The following POLH variants were observed in gnomAD, a reference collection of about 807,000 sequenced individuals.
The protein encoded by POLH is DNA polymerase eta.
In POLH, 53 loss-of-function variants were observed where a neutral mutation model predicts 73.6. The ratio of observed to expected loss-of-function variants is 0.72; its 90% CI spans 0.58 to 0.91. POLH has a LOEUF of 0.91. Ranked by LOEUF, POLH falls within the 40% of genes least tolerant of loss-of-function variation. The pLI, the probability that POLH is intolerant of heterozygous loss-of-function variation, is 0.00. For synonymous variants in POLH, 292 were observed against 308.5 expected, an observed-to-expected ratio of 0.95 and a Z score of 0.56; for missense variants, 768 against 865.4, an observed-to-expected ratio of 0.89 and a Z score of 1.41.
At position 43,604,630 on chromosome 6, in the gene POLH, C is replaced by T. The variant is rs766606810; in HGVS notation, c.900C>T (p.Ala300=). The change falls in exon 8 of 11, where the codon GCC becomes GCT. Residue 300 remains alanine, a synonymous_variant. Coordinates refer to ENST00000372236, the MANE Select transcript of POLH (RefSeq NM_006502.3). ...FGEKNGSWLY[A]MCRGIEHDPV... is the part of the protein sequence containing the mutation. ...GTCTTATTAGGTCTTGGCTATATGC[C>T]ATGTGCCGAGGGATTGAACATGATC... is the stretch of plus-strand genomic sequence containing the variant. The T allele has an allele frequency of 6.8e-6, 11 of 1,614,058 alleles. No homozygotes were observed. The highest frequency in any genetic ancestry group is 1.3e-5 in the African/African-American group (1 of 75,050).
chr6:43,585,347 C>G (rs996171958), intron 3 of POLH, among the ~76,000 whole-genome samples: 7 of 152,136 alleles, frequency 4.6e-5, no homozygotes, highest in African/African-American at 1.7e-4. Flanking sequence ...AAACCATTGG[C>G]TATGGGTAAT....
intron 9 of POLH, among the ~76,000 whole-genome samples, chr6:43,606,551 C>G (rs1767322010): frequency 6.6e-6 from 1 of 152,082 alleles, no homozygotes; most frequent in African/African-American, 2.4e-5. Context: ...GTCTCAGCCT[C>G]CCGAGTAACC....
rs1064260 is a variant in POLH, at chr6:43,614,607, A to G, written c.*50A>G. 7.2e-3 allele frequency: 10,160 copies of G among 1,408,840 alleles called. 492 individuals carry two copies. In the African/African-American group the frequency reaches 0.11, roughly 16 times the overall value. The allele number at this position is 1,408,840 out of a possible 1,614,324, so 87.3% of individuals were successfully genotyped here. On this transcript the variant is annotated 3_prime_UTR_variant, in exon 11 of 11. Transcript: ENST00000372236. ...GATTTAATATTTTTTATCTTTACAG[A>G]TCTTTATCTTTAATATTTTATCTTT...
chr6:43,580,029 T>C (rs1045230735), intron 1 of POLH, among the ~76,000 whole-genome samples: 1 of 124,340 alleles, frequency 8.0e-6, no homozygotes, highest in African/African-American at 2.8e-5. Context: ...CAAAGGTCTC[T>C]GGTTTTCCTA....
intron 8 of POLH, 75 bp downstream of exon 8, chr6:43,604,813 T>C: frequency 6.7e-7 from 1 of 1,501,698 alleles, no homozygotes; most frequent in Non-Finnish European, 9.3e-7. Flanking sequence ...CTGTGGAAGG[T>C]TTAATAGGTT....
chr6:43,603,034 T>G (rs1582306625), intron 6 of POLH, among the ~76,000 whole-genome samples: 1 of 141,724 alleles, frequency 7.1e-6, no homozygotes, highest in South Asian at 2.3e-4. Flanking sequence ...AGAGTCTTGC[T>G]CTGTCTCCCA....
intron 1 of POLH, among the ~76,000 whole-genome samples, chr6:43,578,035 C>G (rs1763565928): frequency 6.8e-6 from 1 of 147,150 alleles, no homozygotes; most frequent in Admixed American, 6.9e-5. Context: ...GAGCTGAGAT[C>G]TCACCACTGC....
intron 9 of POLH, among the ~76,000 whole-genome samples, chr6:43,609,020 G>T (rs532527299): frequency 1.1e-4 from 17 of 151,760 alleles, no homozygotes; most frequent in Non-Finnish European, 2.1e-4. Context: ...CCGTTTCTTT[G>T]CCCTGGAGAC....
chr6:43,593,878 C>CAAAA (rs768129925), intron 4 of POLH, among the ~76,000 whole-genome samples: 158 of 82,582 alleles, frequency 1.9e-3, no homozygotes, highest in East Asian at 2.3e-3. Context: ...GACTCCGTCT[C>CAAAA]AAAAAAAAAA....
chr6:43,601,351 C>T (rs373357071), intron 6 of POLH, among the ~76,000 whole-genome samples: 1 of 152,118 alleles, frequency 6.6e-6, no homozygotes, highest in East Asian at 1.9e-4. Context: ...CTGCAACCTC[C>T]ACCTCCCAGG....
intron 3 of POLH, among the ~76,000 whole-genome samples, chr6:43,587,023 CT>C (rs1764899276): frequency 6.6e-6 from 1 of 152,120 alleles, no homozygotes; most frequent in Admixed American, 6.5e-5. Context: ...AGTCTGAATG[CT>C]TTCTGCCTTG....
intron 4 of POLH, among the ~76,000 whole-genome samples, chr6:43,589,481 A>G (rs1183116781): frequency 6.6e-6 from 1 of 152,168 alleles, no homozygotes; most frequent in Non-Finnish European, 1.5e-5. Context: ...GAGATTGAAG[A>G]TCTCTTCATA....
At chr6:43,599,306 G>C (rs773567856) in intron 5 of POLH, among the ~76,000 whole-genome samples, 1 of 151,896 alleles carries the variant, frequency 6.6e-6, no homozygotes, top group Admixed American at 6.6e-5. Flanking sequence ...GAATATTTTT[G>C]TATTATCTTG....
In POLH at chr6:43,577,298, T is replaced by A. The variant is rs575070632; in HGVS notation, c.-5+858T>A. Among the ~76,000 whole-genome samples, 9 of 152,368 alleles carry A rather than the reference T, an allele frequency of 5.9e-5. No homozygotes were observed. In the South Asian group the frequency reaches 1.9e-3, roughly 32 times the overall value. On this transcript the variant is annotated intron_variant, in intron 1 of 10. Coordinates refer to ENST00000372236, the MANE Select transcript of POLH (RefSeq NM_006502.3). ...TTGTGATTGTGTGCTTAGTAAATTGTGTGCTGAACATAAATCACTGCTTCC... is the reference window on the plus strand; with the variant it reads ...TTGTGATTGTGTGCTTAGTAAATTGAGTGCTGAACATAAATCACTGCTTCC...
At chr6:43,578,163 G>A (rs1164793325) in intron 1 of POLH, among the ~76,000 whole-genome samples, 1 of 152,032 alleles carries the variant, frequency 6.6e-6, no homozygotes, top group Admixed American at 6.6e-5. Context: ...GAGGTGGGTG[G>A]ATCGCCTAAG....
chr6:43,582,234 C>T, intron 1 of POLH, 82 bp from the exon 2 acceptor site: 2 of 1,263,506 alleles, frequency 1.6e-6, no homozygotes, highest in Non-Finnish European at 1.2e-6. Flanking sequence ...GGTAACTCAT[C>T]AGTGAAAGAA....
chr6:43,579,671 A>G (rs1332876184), intron 1 of POLH, among the ~76,000 whole-genome samples: 1 of 152,212 alleles, frequency 6.6e-6, no homozygotes, highest in East Asian at 1.9e-4. Flanking sequence ...CAGGTAAAAC[A>G]ACCTGTGGCT....
intron 4 of POLH, among the ~76,000 whole-genome samples, chr6:43,589,914 G>C (rs1352260382): frequency 1.3e-5 from 2 of 151,092 alleles, no homozygotes; most frequent in Admixed American, 6.6e-5. Flanking sequence ...TTGATGTGTT[G>C]GGAAATGATA....
rs1439058734 is a variant in POLH at position 43,615,951 on chromosome 6, T to A, written c.*1394T>A. Among the ~76,000 whole-genome samples, 2 of 152,136 alleles carry A rather than the reference T, an allele frequency of 1.3e-5. No homozygotes were observed. The highest frequency in any genetic ancestry group is 1.3e-4 in the Admixed American group (2 of 15,296). On this transcript the variant is annotated 3_prime_UTR_variant, in exon 11 of 11. Transcript: ENST00000372236. Reference sequence around the variant, plus strand: ...CTCCCAAAGTTGCTGGGATTACAGATGTTAGCCACCGATCCTGGCCCCCCC... The same window carrying A: ...CTCCCAAAGTTGCTGGGATTACAGAAGTTAGCCACCGATCCTGGCCCCCCC...
Sources: gnomAD v4.1 joint callset for allele counts (sites outside exome capture counted in the v4.1 genomes callset) on GRCh38, gnomAD v4.1.1 for gene constraint, MANE v1.5 for transcripts, NCBI Gene and HGNC (gene_info 2026-07-23, HGNC 2026-07-21) for gene names.